MARCHF3: variants seen among roughly 807,000 people sequenced by gnomAD.
The protein encoded by MARCHF3 is E3 ubiquitin-protein ligase MARCHF3.
A neutral mutation model predicts 24.2 loss-of-function variants in MARCHF3; 13 were observed. The ratio of observed to expected loss-of-function variants is 0.54; its 90% CI spans 0.35 to 0.85. The LOEUF is 0.85. Ranked by LOEUF, MARCHF3 falls within the 40% of genes least tolerant of loss-of-function variation. MARCHF3 has a pLI of 0.01. For synonymous variants in MARCHF3, 144 were observed against 137.3 expected, an observed-to-expected ratio of 1.05 and a Z score of -0.34; for missense variants, 276 against 325.0, an observed-to-expected ratio of 0.85 and a Z score of 1.16.
intron 1 of MARCHF3, among the ~76,000 whole-genome samples, chr5:126,982,517 C>T (rs1221570928): frequency 6.6e-6 from 1 of 152,140 alleles, no homozygotes. Context: ...CAGTCTGGGC[C>T]CCATCTGCAG....
intron 1 of MARCHF3, among the ~76,000 whole-genome samples, chr5:126,977,007 G>T (rs559860518): frequency 6.6e-6 from 1 of 152,350 alleles, no homozygotes; most frequent in South Asian, 2.1e-4. Context: ...TTAATGCCCT[G>T]CTATCAGGCC....
At chr5:126,989,298 C>T (rs749648424) in intron 1 of MARCHF3, among the ~76,000 whole-genome samples, 2 of 148,782 alleles carry the variant, frequency 1.3e-5, no homozygotes, top group Admixed American at 1.3e-4. Context: ...ACTACTACTA[C>T]TACTACTAGT....
At chr5:126,939,806 A>G (rs1054379918) in intron 1 of MARCHF3, among the ~76,000 whole-genome samples, 12 of 152,198 alleles carry the variant, frequency 7.9e-5, no homozygotes, top group African/African-American at 2.4e-4. Context: ...CAATCAATAC[A>G]TAACCTTGTT....
At chr5:126,998,974 A>C (rs1382977660) in intron 1 of MARCHF3, among the ~76,000 whole-genome samples, 1 of 152,206 alleles carries the variant, frequency 6.6e-6, no homozygotes, top group Non-Finnish European at 1.5e-5. Flanking sequence ...TGTGTGCCAA[A>C]AATCCAGAGA....
chr5:126,928,364 G>A (rs1212434361), intron 1 of MARCHF3, among the ~76,000 whole-genome samples: 1 of 152,192 alleles, frequency 6.6e-6, no homozygotes, highest in African/African-American at 2.4e-5. Context: ...GAGACTGTTT[G>A]TTTCCCAAAT....
intron 1 of MARCHF3, among the ~76,000 whole-genome samples, chr5:126,992,821 G>C (rs1751816607): frequency 6.9e-6 from 1 of 144,310 alleles, no homozygotes; most frequent in Non-Finnish European, 1.5e-5. Flanking sequence ...GCCCAGGCTG[G>C]AGTGCAGTGG....
chr5:127,025,466 A>G (rs1752964266), intron 1 of MARCHF3, among the ~76,000 whole-genome samples: 1 of 152,124 alleles, frequency 6.6e-6, no homozygotes, highest in Non-Finnish European at 1.5e-5. Context: ...TAAATTTCTT[A>G]CCACCCTGTC....
intron 1 of MARCHF3, among the ~76,000 whole-genome samples, chr5:126,991,429 A>G (rs578072666): frequency 7.9e-5 from 12 of 152,222 alleles, no homozygotes; most frequent in Non-Finnish European, 1.8e-4. Context: ...GGATAGCATT[A>G]GGAGAAATAC....
chr5:126,961,618 A>G (rs1750638460), intron 1 of MARCHF3, among the ~76,000 whole-genome samples: 1 of 152,200 alleles, frequency 6.6e-6, no homozygotes, highest in South Asian at 2.1e-4. Flanking sequence ...AATGATTAAA[A>G]TTCAAATTAT....
At chr5:126,926,131 A>G (rs75288655) in intron 1 of MARCHF3, among the ~76,000 whole-genome samples, 3,104 of 152,298 alleles carry the variant, frequency 0.02, 75 homozygotes, top group South Asian at 0.12. Context: ...TCCTCTGCAT[A>G]AGCAAACCAG....
Position 126,870,501 on chromosome 5 carries a change from G to T in MARCHF3, c.*132C>A. 1.4e-6 allele frequency: 1 copy of T among 726,856 alleles called. No homozygotes were observed. The highest frequency in any genetic ancestry group is 2.3e-6 in the Non-Finnish European group (1 of 433,290). 45.0% of individuals were successfully genotyped at this position (726,856 alleles called of 1,614,324 possible). On this transcript the variant is annotated 3_prime_UTR_variant, in exon 5 of 5. Transcript: ENST00000308660. ...CGGAGGTTGTTGCTTGGAGTGATGTGCTAATATGCTCTGGATGTTCTTAGA... is the reference window on the plus strand; with the variant it reads ...CGGAGGTTGTTGCTTGGAGTGATGTTCTAATATGCTCTGGATGTTCTTAGA...
intron 1 of MARCHF3, among the ~76,000 whole-genome samples, chr5:126,926,020 T>C (rs1048177417): frequency 6.6e-6 from 1 of 152,106 alleles, no homozygotes; most frequent in African/African-American, 2.4e-5. Flanking sequence ...TCCCAATTTG[T>C]TTTTGGGCTC....
chr5:127,016,529 T>G (rs191292586), intron 1 of MARCHF3, among the ~76,000 whole-genome samples: 18 of 152,206 alleles, frequency 1.2e-4, no homozygotes, highest in Admixed American at 9.8e-4. Flanking sequence ...TCACTGGTCA[T>G]CAGAGAAATG....
In MARCHF3 at chr5:126,988,744, T is replaced by C. The variant is rs886272286; in HGVS notation, c.-57+41606A>G. ...GGCAAGAGTATAAGCTTATTATTATTATTACTACTATTACATCAGGCAAGT... is the reference window on the plus strand; with the variant it reads ...GGCAAGAGTATAAGCTTATTATTATCATTACTACTATTACATCAGGCAAGT... On this transcript the variant is annotated intron_variant, in intron 1 of 4. Transcript: ENST00000308660. Among the ~76,000 whole-genome samples the C allele has an allele frequency of 1.2e-4, 18 of 152,180 alleles. 1 individual carries two copies. The highest frequency in any genetic ancestry group is 2.5e-4 in the Non-Finnish European group (17 of 68,024).
chr5:126,870,769 C>A lies in MARCHF3; in HGVS notation c.626G>T (p.Arg209Leu). The A allele has an allele frequency of 6.2e-7, 1 of 1,614,044 alleles. No individual in the cohort carries two copies. The highest frequency in any genetic ancestry group is 1.1e-5 in the South Asian group (1 of 91,070). ...GGTCCGACGCCACTCGTTGTACAATCGACAGTGGTACCTAAATGACACCTG... is the reference window on the plus strand; with the variant it reads ...GGTCCGACGCCACTCGTTGTACAATAGACAGTGGTACCTAAATGACACCTG... ...WTLVSFRYHC[R>L]LYNEWRRTNQ... is the part of the protein sequence containing the mutation. The change falls in exon 5 of 5, where the codon CGA becomes CTA. Residue 209 changes from arginine to leucine, a missense_variant. Arg to Leu is a moderately radical substitution (Grantham distance 102, BLOSUM62 -2). Coordinates refer to ENST00000308660, the MANE Select transcript of MARCHF3 (RefSeq NM_178450.5).
chr5:126,942,971 A>G (rs1036683954), intron 1 of MARCHF3, among the ~76,000 whole-genome samples: 1 of 152,210 alleles, frequency 6.6e-6, no homozygotes, highest in African/African-American at 2.4e-5. Context: ...TGAAAAAAAG[A>G]GAAAGTAATA....
chr5:126,886,728 G>A (rs531121582), intron 3 of MARCHF3, among the ~76,000 whole-genome samples: 1 of 152,176 alleles, frequency 6.6e-6, no homozygotes, highest in South Asian at 2.1e-4. Flanking sequence ...AGCTTTACAA[G>A]ATCCACTGCA....
intron 1 of MARCHF3, among the ~76,000 whole-genome samples, chr5:127,017,261 A>AT (rs1309849420): frequency 2.0e-5 from 3 of 152,176 alleles, no homozygotes; most frequent in Non-Finnish European, 4.4e-5. Context: ...TTAAAGTATG[A>AT]TAAAAAAAAA....
At chr5:126,998,771 C>T (rs921349046) in intron 1 of MARCHF3, among the ~76,000 whole-genome samples, 2 of 152,188 alleles carry the variant, frequency 1.3e-5, no homozygotes, top group African/African-American at 4.8e-5. Context: ...CTGTCCCACT[C>T]TCTCCCTGTC....
Sources: gnomAD v4.1 joint callset for allele counts (sites outside exome capture counted in the v4.1 genomes callset) on GRCh38, gnomAD v4.1.1 for gene constraint, MANE v1.5 for transcripts, NCBI Gene and HGNC (gene_info 2026-07-23, HGNC 2026-07-21) for gene names.